The following RUBCN variants were observed in gnomAD, a reference collection of about 807,000 sequenced individuals.
The protein encoded by RUBCN is run domain Beclin-1-interacting and cysteine-rich domain-containing protein.
Under a neutral mutation model 113.2 loss-of-function variants are expected in RUBCN, and 74 were observed. That is an observed-to-expected ratio of 0.65 (90% CI 0.54 to 0.79). RUBCN has a LOEUF of 0.79. Ranked by LOEUF, RUBCN falls within the 30% of genes least tolerant of loss-of-function variation. The probability of loss-of-function intolerance (pLI) is 0.00; values close to 1 mark genes in which losing one functional copy is unlikely to be tolerated. For missense variants in RUBCN, 1,109 were observed against 1,251.7 expected, an observed-to-expected ratio of 0.89 and a Z score of 1.72; for synonymous variants, 480 against 490.0, an observed-to-expected ratio of 0.98 and a Z score of 0.27.
intron 18 of RUBCN, chr3:197,676,334 T>C: frequency 1.0e-6 from 1 of 999,912 alleles, no homozygotes; most frequent in Non-Finnish European, 1.2e-6. Flanking sequence ...CAACTGCCTT[T>C]TTTTTTTCCA....
chr3:197,681,139 T>A lies in RUBCN; in HGVS notation c.2420A>T (p.Asn807Ile). The A allele has an allele frequency of 6.2e-7, 1 of 1,611,714 alleles. No individual in the cohort carries two copies. Among genetic ancestry groups the A allele is most frequent in the Non-Finnish European group, 8.5e-7 (1 of 1,178,112 alleles). Residue 807 changes from asparagine (N) to isoleucine (I), a missense_variant, in exon 16 of 20, where the codon AAT becomes ATT. Physicochemically the swap from Asn to Ile is moderately radical, Grantham distance 149. This residue lies in a region of RUBCN where 306 missense variants were observed against 348.9 expected (regional missense o/e 0.88). Transcript: ENST00000296343. This position sits in a 1 kb window ranked among gnomAD's most constrained non-coding sequence, Gnocchi z 5.5. ...TTTCCAAGGTCTTACCCGGACTTGA[T>A]TGAGCAGCTTGACCTTCCTATAGAG... ...SALYRKVKLLNQVRLLRVQLC... is the reference protein window; with the variant it reads ...SALYRKVKLLIQVRLLRVQLC...
At chr3:197,715,106 A>G (rs1408918647) in intron 2 of RUBCN, among the ~76,000 whole-genome samples, 3 of 152,058 alleles carry the variant, frequency 2.0e-5, no homozygotes, top group Admixed American at 6.6e-5. Flanking sequence ...CCTGACCAAC[A>G]TGGAGAAACC....
chr3:197,714,755 CAG>C (rs1553899801), intron 2 of RUBCN, among the ~76,000 whole-genome samples: 5 of 152,054 alleles, frequency 3.3e-5, no homozygotes, highest in African/African-American at 4.8e-5. Context: ...GAGGCCCTGA[CAG>C]GGGATGACAT....
At chr3:197,715,234 A>C (rs113389370) in intron 2 of RUBCN, among the ~76,000 whole-genome samples, 1 of 150,372 alleles carries the variant, frequency 6.7e-6, no homozygotes, top group African/African-American at 2.4e-5. Flanking sequence ...GGCTGTGGTG[A>C]GCCGAGATCG....
At position 197,680,163 on chromosome 3, in the gene RUBCN, C is replaced by T. The variant is rs1266311350; in HGVS notation, c.2430+966G>A. Among the ~76,000 whole-genome samples the T allele has an allele frequency of 1.6e-4, 19 of 117,172 alleles. 1 individual carries two copies. Among genetic ancestry groups the T allele is most frequent in the Middle Eastern group, 5.3e-3 (1 of 188 alleles). The allele number at this position is 117,172 out of a possible 152,430, so 76.9% of individuals were successfully genotyped here. On this transcript the variant is annotated intron_variant, in intron 16 of 19. Transcript: ENST00000296343. ...TGACAACTGGCTCCAGACTGTCCTA[C>T]GCTCTGACAACTGGCTCCAGACTGT...
chr3:197,745,744 C>G (rs754920980), intron 1 of RUBCN, among the ~76,000 whole-genome samples: 2 of 151,408 alleles, frequency 1.3e-5, no homozygotes, highest in African/African-American at 4.8e-5. Flanking sequence ...TAACAGAAAA[C>G]TATGAGGTTG....
intron 2 of RUBCN, among the ~76,000 whole-genome samples, chr3:197,717,379 G>A (rs1725657761): frequency 6.6e-6 from 1 of 151,498 alleles, no homozygotes; most frequent in African/African-American, 2.4e-5. Flanking sequence ...GGGAGGCGGA[G>A]CTTGCAGTGA....
At chr3:197,721,941 C>T (rs1471177140) in intron 1 of RUBCN, among the ~76,000 whole-genome samples, 1 of 152,056 alleles carries the variant, frequency 6.6e-6, no homozygotes, top group Non-Finnish European at 1.5e-5. Flanking sequence ...ACTGTAGTCA[C>T]AAAAGATACT....
At position 197,705,460 on chromosome 3, in the gene RUBCN, G is replaced by C. The variant is rs150197529; in HGVS notation, c.220-285C>G. ...ACATGCCTTAGTCCCAGCTACTCAG[G>C]AGGCTGAGGTGGGAGAATCACTTGA... On this transcript the variant is annotated intron_variant, in intron 2 of 19. Coordinates refer to ENST00000296343, the MANE Select transcript of RUBCN (RefSeq NM_014687.4). Among the ~76,000 whole-genome samples the C allele has an allele frequency of 1.1e-3, 170 of 151,780 alleles. 1 individual carries two copies. Among genetic ancestry groups the C allele is most frequent in the African/African-American group, 4.0e-3 (165 of 41,342 alleles).
intron 11 of RUBCN, among the ~76,000 whole-genome samples, chr3:197,691,684 C>G (rs557350906): frequency 5.8e-4 from 89 of 152,248 alleles, no homozygotes; most frequent in Non-Finnish European, 1.0e-3. Context: ...TCGGCAGGCT[C>G]CTTACAGACT....
chr3:197,701,082 G>A lies in RUBCN; in HGVS notation c.792C>T (p.His264=), dbSNP rs760135708. 209 of 1,602,686 alleles carry A rather than the reference G, an allele frequency of 1.3e-4. No homozygotes were observed. The highest frequency in any genetic ancestry group is 1.7e-4 in the Non-Finnish European group (200 of 1,172,524). Residue 264 remains histidine (H), a synonymous_variant, in exon 7 of 20, where the codon CAC becomes CAT. Coordinates refer to ENST00000296343, the MANE Select transcript of RUBCN (RefSeq NM_014687.4). ...PPRKPQESRG[H]VSPAEDQTIQ... ...TGGTTTGATCCTCTGCTGGTGAGAC[G>A]TGCCCTCTGCTTTCTTGAGGTTTCC... is the stretch of plus-strand genomic sequence containing the variant.
At chr3:197,716,997 C>T (rs572716832) in intron 2 of RUBCN, among the ~76,000 whole-genome samples, 1 of 152,002 alleles carries the variant, frequency 6.6e-6, no homozygotes, top group Non-Finnish European at 1.5e-5. Context: ...TGCATGTGCC[C>T]GTAGCCCTAG....
rs957574901 is a variant in RUBCN, at chr3:197,698,010, C to T, written c.1262-961G>A. Among the ~76,000 whole-genome samples the T allele has an allele frequency of 6.6e-5, 10 of 152,306 alleles. 1 individual carries two copies. The South Asian group carries it at 1.0e-3, about 16-fold the overall frequency. On this transcript the variant is annotated intron_variant, in intron 7 of 19. Transcript: ENST00000296343. ...ACTGAGGACAAACTAGTAGTCGCCA[C>T]GATGCCTTGGTAAAAAACCATGATA...
At chr3:197,710,824 CTT>C (rs1280361319) in intron 2 of RUBCN, among the ~76,000 whole-genome samples, 2 of 146,222 alleles carry the variant, frequency 1.4e-5, no homozygotes, top group Non-Finnish European at 1.5e-5. Flanking sequence ...TAATCTTTTA[CTT>C]TTTTTTTTTT....
chr3:197,735,536 G>A (rs1728022117), intron 1 of RUBCN, among the ~76,000 whole-genome samples: 1 of 152,222 alleles, frequency 6.6e-6, no homozygotes, highest in African/African-American at 2.4e-5. Context: ...CCTAAATATG[G>A]AAGGCATCTC....
intron 1 of RUBCN, among the ~76,000 whole-genome samples, chr3:197,719,822 G>C (rs1725948141): frequency 6.6e-6 from 1 of 152,018 alleles, no homozygotes; most frequent in African/African-American, 2.4e-5. Context: ...AATTTTGATT[G>C]ATACATAATT....
rs890620960 is a variant in RUBCN at position 197,696,511 on chromosome 3, C to T, written c.1357+443G>A. Among the ~76,000 whole-genome samples the T allele has an allele frequency of 2.6e-5, 4 of 152,270 alleles. No individual in the cohort carries two copies. The South Asian group carries it at 6.2e-4, about 24-fold the overall frequency. ...AAATTAAAGAGAACATGCTCTCCCT[C>T]GTACCATACAGTAAAGAAAAAACAA... On this transcript the variant is annotated intron_variant, in intron 8 of 19. Coordinates refer to ENST00000296343, the MANE Select transcript of RUBCN (RefSeq NM_014687.4).
rs115148358 is a variant in RUBCN, at chr3:197,718,236, C to T, written c.66-106G>A. 2.7e-3 allele frequency: 3,291 copies of T among 1,198,648 alleles called. 67 individuals carry two copies. The African/African-American group carries it at 0.044, about 16-fold the overall frequency. 74.3% of individuals were successfully genotyped at this position (1,198,648 alleles called of 1,614,324 possible). A position where few individuals can be genotyped will look rare whatever the true frequency, so the allele number is the denominator to read the frequency against. On this transcript the variant is annotated intron_variant, in intron 1 of 19. Transcript: ENST00000296343. ...AGGAGCCTCCTGCCCCACATCCTAA[C>T]ATTCTCTCCCCTCTTAATTTTTACT...
intron 11 of RUBCN, among the ~76,000 whole-genome samples, chr3:197,687,800 A>G (rs1213355744): frequency 6.6e-6 from 1 of 152,194 alleles, no homozygotes; most frequent in Non-Finnish European, 1.5e-5. Context: ...AGCACCCCAG[A>G]GAACAGTTTC....
Sources: gnomAD v4.1 joint callset for allele counts (sites outside exome capture counted in the v4.1 genomes callset) on GRCh38, gnomAD v4.1.1 for gene constraint, gnomAD v4.1.1 regional missense constraint, Gnocchi (gnomAD v3.1) non-coding constraint, MANE v1.5 for transcripts, NCBI Gene and HGNC (gene_info 2026-07-23, HGNC 2026-07-21) for gene names.